The following DNAAF6 variants were observed in gnomAD, a reference collection of about 807,000 sequenced individuals.
The protein encoded by DNAAF6 is PIH1 domain containing 3.
In DNAAF6, 3 loss-of-function variants were observed where a neutral mutation model predicts 13.7. That is an observed-to-expected ratio of 0.22 (90% confidence interval 0.10 to 0.56). DNAAF6 has a LOEUF of 0.56. Among genes scored for constraint, DNAAF6 ranks in the 20% least tolerant of loss-of-function variants. The probability of loss-of-function intolerance (pLI) is 0.92; values close to 1 mark genes in which losing one functional copy is unlikely to be tolerated. For synonymous variants in DNAAF6, 54 were observed against 49.2 expected, an observed-to-expected ratio of 1.10 and a Z score of -0.41; for missense variants, 130 against 151.0, an observed-to-expected ratio of 0.86 and a Z score of 0.73.
At chrX:107,242,710 A>G (rs1179574715) in intron 6 of DNAAF6, among the ~76,000 whole-genome samples, 1 of 112,543 alleles carries the variant, frequency 8.9e-6, no homozygotes, top group Non-Finnish European at 1.9e-5. Context: ...TATTGAAATC[A>G]TTCCCAGCCT....
chrX:107,243,598 T>C lies in DNAAF6; in HGVS notation c.*300T>C. On this transcript the variant is annotated 3_prime_UTR_variant, in exon 7 of 7. Transcript: ENST00000372453. ...CAGCCTGGTCAACATGGCGAAACCC[T>C]GTCTCTACTAAAAATACGAAAATTA... is the stretch of plus-strand genomic sequence containing the variant. 6.8e-6 allele frequency: 1 copy of C among 147,212 alleles called. No individual in the cohort carries two copies. Among genetic ancestry groups the C allele is most frequent in the Non-Finnish European group, 1.3e-5 (1 of 76,830 alleles). 12.1% of individuals were successfully genotyped at this position (147,212 alleles called of 1,213,427 possible).
At chrX:107,214,509 G>A (rs954770148) in intron 2 of DNAAF6, among the ~76,000 whole-genome samples, 1 of 111,081 alleles carries the variant, frequency 9.0e-6, no homozygotes, top group Non-Finnish European at 1.9e-5. Context: ...ATCTAGAGGT[G>A]TTTCTAGGAG....
chrX:107,235,419 GA>G (rs1315391812), intron 5 of DNAAF6, among the ~76,000 whole-genome samples: 1 of 111,051 alleles, frequency 9.0e-6, no homozygotes, highest in Non-Finnish European at 1.9e-5. Flanking sequence ...TTTTTTTAAT[GA>G]AAAAGTGTAA....
chrX:107,207,945 C>T (rs953138326), intron 1 of DNAAF6, among the ~76,000 whole-genome samples: 1 of 110,433 alleles, frequency 9.1e-6, no homozygotes, highest in Admixed American at 9.5e-5. Context: ...TCATACTCCA[C>T]CTGTATCTAA....
At chrX:107,229,774 A>G (rs1332487726) in intron 5 of DNAAF6, among the ~76,000 whole-genome samples, 1 of 110,854 alleles carries the variant, frequency 9.0e-6, no homozygotes, top group Admixed American at 9.6e-5. Flanking sequence ...TGCAAGCTCC[A>G]CTTCCCGGGT....
In DNAAF6 at chrX:107,243,396, G is replaced by C. The variant is rs1602693944; in HGVS notation, c.*98G>C. ...TTTTCTATATTCTCTTTATTATTCT[G>C]ACATATTTTTGAAAGGGACAAAATT... On this transcript the variant is annotated 3_prime_UTR_variant, in exon 7 of 7. Coordinates refer to ENST00000372453, the MANE Select transcript of DNAAF6 (RefSeq NM_173494.2). 1.9e-6 allele frequency: 2 copies of C among 1,055,095 alleles called. No homozygotes were observed. Among genetic ancestry groups the C allele is most frequent in the East Asian group, 6.5e-5 (2 of 30,672 alleles). 87.0% of individuals were successfully genotyped at this position (1,055,095 alleles called of 1,213,427 possible). A position where few individuals can be genotyped will look rare whatever the true frequency, so the allele number is the denominator to read the frequency against.
Position 107,222,793 on chromosome X carries a change from A to G in DNAAF6, c.381A>G (p.Leu127=). The change falls in exon 5 of 7, where the codon TTA becomes TTG. Residue 127 remains leucine (L), a synonymous_variant. Transcript: ENST00000372453. ...AGGTGGGAACTGAAGATATATTTTT[A>G]GGGTTGTCAAAAAAGGACTCCTCAA... ...RQQVGTEDIF[L]GLSKKDSSTG... 1 of 1,207,492 alleles carries G rather than the reference A, an allele frequency of 8.3e-7. No homozygotes were observed.
intron 2 of DNAAF6, among the ~76,000 whole-genome samples, chrX:107,216,084 CTA>C (rs778831802): frequency 4.5e-4 from 50 of 111,435 alleles, no homozygotes; most frequent in African/African-American, 1.5e-3. Flanking sequence ...GTATTAGAGA[CTA>C]TTAATTTGTG....
intron 6 of DNAAF6, among the ~76,000 whole-genome samples, chrX:107,239,766 T>C (rs1371641269): frequency 2.7e-5 from 3 of 112,111 alleles, no homozygotes; most frequent in African/African-American, 9.7e-5. Context: ...GGTCTACAGA[T>C]AAATATATAT....
At chrX:107,221,359 A>G (rs781716107) in intron 4 of DNAAF6, among the ~76,000 whole-genome samples, 17 of 109,767 alleles carry the variant, frequency 1.5e-4, no homozygotes, top group African/African-American at 4.6e-4. Flanking sequence ...GGCTCAAGCA[A>G]TTCTCCCACC....
chrX:107,208,229 A>C (rs749919245), intron 1 of DNAAF6, among the ~76,000 whole-genome samples: 1 of 110,456 alleles, frequency 9.1e-6, no homozygotes, highest in African/African-American at 3.3e-5. Context: ...CCCCGTCTCT[A>C]CAAGTAATAA....
chrX:107,220,981 C>CT (rs1267081377), intron 4 of DNAAF6, among the ~76,000 whole-genome samples: 2 of 91,175 alleles, frequency 2.2e-5, no homozygotes, highest in African/African-American at 8.4e-5. Context: ...TTCTTTCTTC[C>CT]TTTTTTCTGA....
At chrX:107,230,732 G>A (rs1399129159) in intron 5 of DNAAF6, among the ~76,000 whole-genome samples, 1 of 111,776 alleles carries the variant, frequency 8.9e-6, no homozygotes, top group Non-Finnish European at 1.9e-5. Flanking sequence ...ATGGCTTCCT[G>A]TTGCACTTAC....
chrX:107,232,481 A>G (rs1928427261), intron 5 of DNAAF6, among the ~76,000 whole-genome samples: 1 of 112,423 alleles, frequency 8.9e-6, no homozygotes, highest in East Asian at 2.8e-4. Flanking sequence ...TAAACAAAAC[A>G]TAAACATCAC....
intron 5 of DNAAF6, among the ~76,000 whole-genome samples, chrX:107,231,452 G>C (rs1183697822): frequency 1.8e-5 from 2 of 111,847 alleles, no homozygotes; most frequent in Admixed American, 9.5e-5. Context: ...TATGTGTTAA[G>C]GATCTGTTCA....
Position 107,212,977 on chromosome X carries a change from C to T in DNAAF6, c.102C>T (p.Ala34=). 2 of 1,206,073 alleles carry T rather than the reference C, an allele frequency of 1.7e-6. No homozygotes were observed. Among genetic ancestry groups the T allele is most frequent in the Non-Finnish European group, 2.2e-6 (2 of 893,121 alleles). The part of the protein sequence containing the change: ...ESVSSVTALE[A]LSKLLNPEEE... ...TTTCTTCAGTTACAGCTCTGGAAGC[C>T]CTCTCTAAGCTACTTAATCCTGAAG... Residue 34 remains alanine, a synonymous_variant, in exon 2 of 7, where the codon GCC becomes GCT. Transcript: ENST00000372453.
rs760029187 is a variant in DNAAF6, at chrX:107,218,898, C to A, written c.261C>A (p.Asp87Glu). Residue 87 changes from aspartate (D) to glutamate (E), a missense_variant, in exon 4 of 7, where the codon GAC (aspartate) becomes GAA (glutamate). By Grantham distance (45) the Asp-to-Glu change is conservative (BLOSUM62 2). Coordinates refer to ENST00000372453, the MANE Select transcript of DNAAF6 (RefSeq NM_173494.2). ...IPETSEENNE[D>E]IWNSEEIPEG... ...AAACCAGCGAGGAAAATAATGAGGA[C>A]ATCTGGAATTCAGAAGAGATTCCAG... is the stretch of plus-strand genomic sequence containing the variant. 1 of 1,194,295 alleles carries A rather than the reference C, an allele frequency of 8.4e-7. No individual in the cohort carries two copies. The highest frequency in any genetic ancestry group is 1.1e-6 in the Non-Finnish European group (1 of 890,329).
chrX:107,226,954 A>G (rs1281434195), intron 5 of DNAAF6, among the ~76,000 whole-genome samples: 4 of 111,605 alleles, frequency 3.6e-5, no homozygotes, highest in African/African-American at 1.3e-4. Context: ...CAGGAGTCAC[A>G]TGTTTATCAT....
chrX:107,208,853 G>T (rs186393568), intron 1 of DNAAF6, among the ~76,000 whole-genome samples: 16 of 111,631 alleles, frequency 1.4e-4, no homozygotes, highest in Middle Eastern at 4.7e-3. Context: ...CACTTTTTTT[G>T]ATTTAGTAAT....
Sources: gnomAD v4.1 joint callset for allele counts (sites outside exome capture counted in the v4.1 genomes callset) on GRCh38, gnomAD v4.1.1 for gene constraint, MANE v1.5 for transcripts, NCBI Gene and HGNC (gene_info 2026-07-23, HGNC 2026-07-21) for gene names.